The following AGMO variants were observed in gnomAD, a reference collection of about 807,000 sequenced individuals.
The protein encoded by AGMO is alkylglycerol monooxygenase, also known as glyceryl-ether monooxygenase.
A neutral mutation model predicts 60.2 loss-of-function variants in AGMO; 75 were observed. That is an observed-to-expected ratio of 1.25 (90% confidence interval 1.03 to 1.51). The LOEUF is 1.51. Among genes scored for constraint, AGMO ranks in the 40% most tolerant of loss-of-function variants. The probability of loss-of-function intolerance (pLI) is 0.00; values close to 1 mark genes in which losing one functional copy is unlikely to be tolerated. For synonymous variants in AGMO, 261 were observed against 177.1 expected (o/e 1.47, Z -3.76); for missense variants, 763 against 525.5 (o/e 1.45, Z -4.42).
At chr7:15,392,935 C>T (rs1486309987) in intron 6 of AGMO, among the ~76,000 whole-genome samples, 1 of 152,232 alleles carries the variant, frequency 6.6e-6, no homozygotes, top group Non-Finnish European at 1.5e-5. Context: ...CAAAAATCAT[C>T]TAATACAAAG....
chr7:15,148,104 G>C, the AGMO span, among the ~76,000 whole-genome samples: 1 of 151,360 alleles, frequency 6.6e-6, no homozygotes. Context: ...TATTTATTTA[G>C]ACTTAGTTAA....
chr7:15,170,300 T>C, the AGMO span, among the ~76,000 whole-genome samples: 2 of 152,366 alleles, frequency 1.3e-5, no homozygotes, highest in African/African-American at 4.8e-5. Context: ...TATTGCGTGC[T>C]ATTTCTGTAG....
rs145822037 is a variant in AGMO at position 15,374,299 on chromosome 7, C to T, written c.1075-8077G>A. ...AAGCATACTAAGAGGAATATAATTA[C>T]AGTAAACATTTGCTAGAATTTCAAG... On this transcript the variant is annotated intron_variant, in intron 10 of 12. Transcript: ENST00000342526. Among the ~76,000 whole-genome samples the T allele has an allele frequency of 5.2e-3, 784 of 152,168 alleles. 14 individuals are homozygous for T. The highest frequency in any genetic ancestry group is 0.018 in the African/African-American group (738 of 41,484).
chr7:15,157,106 T>G, the AGMO span, among the ~76,000 whole-genome samples: 1 of 152,192 alleles, frequency 6.6e-6, no homozygotes, highest in Non-Finnish European at 1.5e-5. Context: ...TACTTTATTA[T>G]TATTAATAAT....
intron 12 of AGMO, among the ~76,000 whole-genome samples, chr7:15,257,214 T>C (rs1297457300): frequency 6.6e-6 from 1 of 152,150 alleles, no homozygotes; most frequent in African/African-American, 2.4e-5. Context: ...ATAAACCATA[T>C]AAACAAATAT....
Position 15,349,671 on chromosome 7 carries a change from A to T in AGMO, c.1263+15843T>A, listed in dbSNP as rs139500014. On this transcript the variant is annotated intron_variant, in intron 12 of 12. Transcript: ENST00000342526. ...ATACTCAAGACTGGGTAATTTATAA[A>T]GAAAAGAGGTTTAATTGACTCACAG... Among the ~76,000 whole-genome samples the T allele has an allele frequency of 4.6e-3, 697 of 152,298 alleles. 4 individuals carry two copies. The highest frequency in any genetic ancestry group is 0.016 in the African/African-American group (666 of 41,568).
At chr7:15,307,233 G>T (rs1202588282) in intron 12 of AGMO, among the ~76,000 whole-genome samples, 1 of 151,924 alleles carries the variant, frequency 6.6e-6, no homozygotes, top group Non-Finnish European at 1.5e-5. Context: ...CTGTTCTGCG[G>T]CCATAAAACG....
chr7:15,154,636 A>T, the AGMO span, among the ~76,000 whole-genome samples: 1 of 152,174 alleles, frequency 6.6e-6, no homozygotes, highest in Non-Finnish European at 1.5e-5. Context: ...AGATTTGATC[A>T]TGTGATGGTG....
chr7:15,390,622 A>G, intron 8 of AGMO, 49 bp downstream of exon 8: 1 of 1,399,256 alleles, frequency 7.1e-7, no homozygotes, highest in Non-Finnish European at 9.9e-7. Flanking sequence ...TAACTATAAG[A>G]TTTATGAAAT....
intron 12 of AGMO, among the ~76,000 whole-genome samples, chr7:15,279,537 G>C (rs1045526855): frequency 1.2e-4 from 19 of 152,004 alleles, no homozygotes; most frequent in African/African-American, 4.3e-4. Context: ...TTGTTCTCAA[G>C]GTCGTGGATT....
the AGMO span, among the ~76,000 whole-genome samples, chr7:15,134,345 AT>A: frequency 3.6e-4 from 54 of 150,720 alleles, no homozygotes; most frequent in African/African-American, 1.3e-3. Context: ...AATTTTTGTA[AT>A]TTTTTTTTGT....
chr7:15,260,484 T>C (rs1320053571), intron 12 of AGMO, among the ~76,000 whole-genome samples: 1 of 152,048 alleles, frequency 6.6e-6, no homozygotes, highest in Non-Finnish European at 1.5e-5. Flanking sequence ...TAAATATATA[T>C]GCACTTAACA....
At chr7:15,539,174 A>G (rs1192561681) in intron 3 of AGMO, among the ~76,000 whole-genome samples, 1 of 152,068 alleles carries the variant, frequency 6.6e-6, no homozygotes, top group African/African-American at 2.4e-5. Context: ...GTTCAGGGGC[A>G]CATGTGCAGA....
At chr7:15,126,219 T>A in the AGMO span, among the ~76,000 whole-genome samples, 1 of 152,218 alleles carries the variant, frequency 6.6e-6, no homozygotes, top group Non-Finnish European at 1.5e-5. Flanking sequence ...ATACTTAAAC[T>A]CTTTAAGTCT....
Position 15,544,895 on chromosome 7 carries a change from T to C in AGMO, c.286A>G (p.Ser96Gly). ...TAGTTCTCCCAGATATAAATATAAC[T>C]GGTCAGTTCAATGCTCCTGAAAAAT... ...SLFFRSIELT[S>G]YIYIWENYRL... The change falls in exon 3 of 13, where the codon AGT becomes GGT. Residue 96 changes from serine to glycine, a missense_variant. By Grantham distance (56) the Ser-to-Gly change is moderately conservative (BLOSUM62 0). Coordinates refer to ENST00000342526, the MANE Select transcript of AGMO (RefSeq NM_001004320.2). 6.3e-7 allele frequency: 1 copy of C among 1,586,416 alleles called. No homozygotes were observed.
At position 15,354,483 on chromosome 7, in the gene AGMO, TATATACACAC is replaced by T. The variant is rs1400153635; in HGVS notation, c.1263+11021_1263+11030del. Among the ~76,000 whole-genome samples the T allele has an allele frequency of 2.4e-3, 57 of 24,126 alleles. 6 individuals carry two copies. The highest frequency in any genetic ancestry group is 3.3e-3 in the Non-Finnish European group (41 of 12,584). The allele number at this position is 24,126 out of a possible 152,430, so 15.8% of individuals were successfully genotyped here. On this transcript the variant is annotated intron_variant, in intron 12 of 12. Coordinates refer to ENST00000342526, the MANE Select transcript of AGMO (RefSeq NM_001004320.2). ...ACACGTGTGTGTATACACACGTGTG[TATATACACAC>T]GTGTATATATATATATATATATATA...
At chr7:15,211,351 C>A (rs1341308801) in intron 12 of AGMO, among the ~76,000 whole-genome samples, 1 of 151,858 alleles carries the variant, frequency 6.6e-6, no homozygotes, top group Non-Finnish European at 1.5e-5. Context: ...GATTTTGGAA[C>A]ATGAGAGATT....
intron 3 of AGMO, among the ~76,000 whole-genome samples, chr7:15,433,559 G>T (rs1049578000): frequency 2.0e-5 from 3 of 151,974 alleles, no homozygotes; most frequent in African/African-American, 7.2e-5. Flanking sequence ...GTTCTTTTGT[G>T]AACAAAATGA....
chr7:15,500,732 T>A (rs1036943416), intron 3 of AGMO, among the ~76,000 whole-genome samples: 1 of 151,950 alleles, frequency 6.6e-6, no homozygotes, highest in Non-Finnish European at 1.5e-5. Flanking sequence ...TCTGATAGCT[T>A]TGGGGTTTGT....
Sources: allele counts gnomAD v4.1 joint callset (sites outside exome capture counted in the v4.1 genomes callset), GRCh38; gene constraint gnomAD v4.1.1; transcripts MANE v1.5; gene names NCBI Gene and HGNC (gene_info 2026-07-23, HGNC 2026-07-21).